Variants in MAGI1 observed in about 807,000 individuals in gnomAD.
MAGI1 encodes the protein membrane-associated guanylate kinase, WW and PDZ domain-containing protein 1.
In MAGI1, 58 loss-of-function variants were observed where a neutral mutation model predicts 139.9. The observed-to-expected ratio is 0.41, with a 90% CI of 0.34 to 0.52. MAGI1 has a LOEUF of 0.52. Ranked by LOEUF, MAGI1 falls within the 20% of genes least tolerant of loss-of-function variation. MAGI1 has a pLI of 0.12. For synonymous variants in MAGI1, 812 were observed against 737.9 expected (o/e 1.10, Z -1.63); for missense variants, 1,874 against 1,901.6 (o/e 0.99, Z 0.27).
At chr3:65,782,306 C>T (rs768712987) in intron 1 of MAGI1, among the ~76,000 whole-genome samples, 12 of 151,948 alleles carry the variant, frequency 7.9e-5, no homozygotes, top group African/African-American at 1.9e-4. Flanking sequence ...AAGGATACAA[C>T]GTTGCTAGCA....
chr3:65,909,844 T>A (rs1232877588), intron 1 of MAGI1, among the ~76,000 whole-genome samples: 1 of 152,060 alleles, frequency 6.6e-6, no homozygotes, highest in Non-Finnish European at 1.5e-5. Context: ...CATGGACCGG[T>A]TTGGTGGAAG....
rs1940151399 is a variant in MAGI1 at position 65,355,284 on chromosome 3, C to T, written c.*1094G>A. On this transcript the variant is annotated 3_prime_UTR_variant, in exon 23 of 23. Transcript: ENST00000402939. ...CCTTTCCCTTCTACCAACCTAGAGA[C>T]TTGGACTATGGTTTCAAAGTGAAAT... 6.6e-6 allele frequency: 1 copy of T among 152,216 alleles called. No homozygotes were observed. Among genetic ancestry groups the T allele is most frequent in the Admixed American group, 6.5e-5 (1 of 15,278 alleles). 9.4% of individuals were successfully genotyped at this position (152,216 alleles called of 1,614,324 possible).
In MAGI1 at chr3:65,477,880, T is replaced by C. The variant is rs2107611684; in HGVS notation, c.757+712A>G. On this transcript the variant is annotated intron_variant, in intron 4 of 22. Transcript: ENST00000402939. ...TGTGCAGTACTCAGCCTGTATGGCC[T>C]TACCCAAAGGCCTTGTCCTTGAAAA... is the stretch of plus-strand genomic sequence containing the variant. 1.3e-5 allele frequency among the ~76,000 whole-genome samples: 2 copies of C among 151,714 alleles called. 1 individual carries two copies. Among genetic ancestry groups the C allele is most frequent in the East Asian group, 3.9e-4 (2 of 5,136 alleles).
intron 2 of MAGI1, among the ~76,000 whole-genome samples, chr3:65,576,723 C>A (rs12634999): frequency 0.085 from 12,977 of 152,150 alleles, 690 homozygotes; most frequent in East Asian, 0.16. Flanking sequence ...TGACTAAGCT[C>A]AGGTCATAAT....
chr3:66,003,188 CAG>C (rs1266637038), intron 1 of MAGI1, among the ~76,000 whole-genome samples: 2 of 152,140 alleles, frequency 1.3e-5, no homozygotes, highest in African/African-American at 2.4e-5. Context: ...CCTTGAACAG[CAG>C]AGTCACAGGG....
rs1161866296 is a variant in MAGI1, at chr3:65,854,143, T to C, written c.313+183853A>G. Among the ~76,000 whole-genome samples, 3 of 148,384 alleles carry C rather than the reference T, an allele frequency of 2.0e-5. No individual in the cohort carries two copies. The Admixed American group carries it at 2.0e-4, about 10-fold the overall frequency. The stretch of plus-strand genomic sequence containing the variant: ...GTTGCCCTGACAAAAACAGGTTAGC[T>C]GTGTAAAAATTCTAATCTTTTATTT... On this transcript the variant is annotated intron_variant, in intron 1 of 22. Transcript: ENST00000402939.
intron 1 of MAGI1, among the ~76,000 whole-genome samples, chr3:65,860,078 TAG>T (rs1460863127): frequency 2.0e-5 from 3 of 152,050 alleles, no homozygotes; most frequent in Non-Finnish European, 2.9e-5. Context: ...TATTTTTTAG[TAG>T]AGACAGGGTT....
At chr3:65,786,176 G>A (rs901298970) in intron 1 of MAGI1, among the ~76,000 whole-genome samples, 2 of 150,074 alleles carry the variant, frequency 1.3e-5, no homozygotes, top group Non-Finnish European at 3.0e-5. Flanking sequence ...GGCTGGTCTC[G>A]AACTTCTAAC....
At chr3:65,379,014 C>A (rs1393651515) in intron 17 of MAGI1, among the ~76,000 whole-genome samples, 4 of 152,132 alleles carry the variant, frequency 2.6e-5, no homozygotes, top group African/African-American at 4.8e-5. Context: ...CTGATGTATG[C>A]TTTAAGTTGT....
At chr3:65,739,158 T>C (rs533889544) in intron 1 of MAGI1, among the ~76,000 whole-genome samples, 3 of 152,376 alleles carry the variant, frequency 2.0e-5, no homozygotes, top group Admixed American at 2.0e-4. Context: ...CTGCATACCT[T>C]GCTGTAGCTT....
At chr3:65,767,552 G>T (rs2107918965) in intron 1 of MAGI1, among the ~76,000 whole-genome samples, 1 of 152,254 alleles carries the variant, frequency 6.6e-6, no homozygotes, top group East Asian at 1.9e-4. Flanking sequence ...ATAGTATTTA[G>T]AAAGCTCAAA....
chr3:65,779,746 A>G (rs2038777844), intron 1 of MAGI1, among the ~76,000 whole-genome samples: 1 of 152,228 alleles, frequency 6.6e-6, no homozygotes, highest in South Asian at 2.1e-4. Flanking sequence ...ATGGAGAGAA[A>G]GATCTTGATT....
At chr3:65,910,162 C>A (rs1013441643) in intron 1 of MAGI1, among the ~76,000 whole-genome samples, 2 of 152,188 alleles carry the variant, frequency 1.3e-5, no homozygotes. Flanking sequence ...TAGCTCATAA[C>A]CTTCTGTCTA....
chr3:65,587,069 G>A (rs1010315524), intron 2 of MAGI1, among the ~76,000 whole-genome samples: 1 of 152,108 alleles, frequency 6.6e-6, no homozygotes, highest in Non-Finnish European at 1.5e-5. Flanking sequence ...TGCTTTTGAG[G>A]TTGGGGTTGA....
chr3:66,036,455 G>A (rs1311083932), intron 1 of MAGI1, among the ~76,000 whole-genome samples: 2 of 152,112 alleles, frequency 1.3e-5, no homozygotes, highest in Non-Finnish European at 2.9e-5. Context: ...TTCAGAGTAA[G>A]TAAAAAAGCC....
Position 65,382,081 on chromosome 3 carries a change from T to C in MAGI1, c.2509-12A>G. On this transcript the variant is annotated splice_polypyrimidine_tract_variant and intron_variant, in intron 15 of 22. Transcript: ENST00000402939. ...TGACCAATATAAATCTGTTGAGTAA[T>C]TGAACGATGGATGAAACATTGCTCT... 1 of 1,589,002 alleles carries C rather than the reference T, an allele frequency of 6.3e-7. No individual in the cohort carries two copies. Among genetic ancestry groups the C allele is most frequent in the Non-Finnish European group, 8.6e-7 (1 of 1,164,214 alleles).
chr3:65,974,724 G>A (rs1046027242), intron 1 of MAGI1, among the ~76,000 whole-genome samples: 1 of 152,102 alleles, frequency 6.6e-6, no homozygotes, highest in Admixed American at 6.6e-5. Context: ...CACTGTGTGC[G>A]CCTCTCCACA....
intron 1 of MAGI1, among the ~76,000 whole-genome samples, chr3:65,768,362 G>A (rs1428448241): frequency 6.6e-6 from 1 of 152,122 alleles, no homozygotes; most frequent in African/African-American, 2.4e-5. Context: ...AGAGGTTGCA[G>A]TGAGCCAAGA....
intron 3 of MAGI1, among the ~76,000 whole-genome samples, chr3:65,487,939 T>C (rs559346156): frequency 6.6e-6 from 1 of 152,358 alleles, no homozygotes; most frequent in African/African-American, 2.4e-5. Context: ...GAGTTTATGT[T>C]GAATTAAAGT....
Sources: gnomAD v4.1 joint callset for allele counts (sites outside exome capture counted in the v4.1 genomes callset) on GRCh38, gnomAD v4.1.1 for gene constraint, MANE v1.5 for transcripts, NCBI Gene and HGNC (gene_info 2026-07-23, HGNC 2026-07-21) for gene names.